The following ADGB variants were observed in gnomAD, a reference collection of about 807,000 sequenced individuals.
The protein encoded by ADGB is calpain-7-like protein.
Under a neutral mutation model 210.5 loss-of-function variants are expected in ADGB, and 172 were observed. The observed-to-expected ratio is 0.82, with a 90% CI of 0.72 to 0.93. The LOEUF (loss-of-function observed/expected upper bound fraction) is 0.93. Among genes scored for constraint, ADGB ranks in the 40% least tolerant of loss-of-function variants. ADGB has a pLI of 0.00. For missense variants in ADGB, 2,025 were observed against 1,964.8 expected, an observed-to-expected ratio of 1.03 and a Z score of -0.58; for synonymous variants, 658 against 662.7, an observed-to-expected ratio of 0.99 and a Z score of 0.11.
intron 1 of ADGB, among the ~76,000 whole-genome samples, chr6:146,603,856 T>C (rs1583555272): frequency 1.3e-5 from 2 of 152,310 alleles, no homozygotes; most frequent in Non-Finnish European, 2.9e-5. Flanking sequence ...TCTTTCTTGG[T>C]TGTCTGAGGC....
At chr6:146,763,249 A>G (rs964057586) in intron 27 of ADGB, among the ~76,000 whole-genome samples, 1 of 152,150 alleles carries the variant, frequency 6.6e-6, no homozygotes, top group African/African-American at 2.4e-5. Flanking sequence ...TAGTTGCTTT[A>G]TACGTTTTGT....
intron 8 of ADGB, among the ~76,000 whole-genome samples, chr6:146,674,557 G>A (rs533685402): frequency 3.3e-5 from 5 of 152,250 alleles, no homozygotes; most frequent in Non-Finnish European, 5.9e-5. Flanking sequence ...AAACGGGTTT[G>A]GTAGGAGAAG....
At chr6:146,760,816 C>A (rs1777478283) in intron 27 of ADGB, among the ~76,000 whole-genome samples, 1 of 151,744 alleles carries the variant, frequency 6.6e-6, no homozygotes, top group Non-Finnish European at 1.5e-5. Context: ...TGTACTACTT[C>A]TTTGTAGTTT....
rs1199161211 is a variant in ADGB at position 146,635,396 on chromosome 6, T to C, written c.96T>C (p.Asn32=). The C allele has an allele frequency of 2.0e-6, 3 of 1,534,332 alleles. No individual in the cohort carries two copies. The highest frequency in any genetic ancestry group is 2.6e-6 in the Non-Finnish European group (3 of 1,138,966). The change falls in exon 2 of 36, where the codon AAT becomes AAC. Residue 32 remains asparagine, a synonymous_variant. Transcript: ENST00000397944. The stretch of plus-strand genomic sequence containing the variant: ...CTAGTTTCTATCCTTTTGGCAGTAA[T>C]GTACAATCTGGTTCTACTGAACAAA... The part of the protein sequence containing the change: ...KSKDFYPFGS[N]VQSGSTEQKK...
intron 25 of ADGB, among the ~76,000 whole-genome samples, chr6:146,745,285 G>T (rs988829974): frequency 6.6e-6 from 1 of 152,072 alleles, no homozygotes. Flanking sequence ...CATCTATTAT[G>T]ATATCATGCT....
chr6:146,689,964 C>T (rs2114920246), intron 10 of ADGB, among the ~76,000 whole-genome samples: 2 of 152,142 alleles, frequency 1.3e-5, no homozygotes, highest in East Asian at 3.8e-4. Flanking sequence ...AAGAAAATGA[C>T]AGTTTCCTCC....
intron 13 of ADGB, among the ~76,000 whole-genome samples, chr6:146,702,786 T>A (rs1008695131): frequency 1.4e-4 from 22 of 151,948 alleles, no homozygotes; most frequent in African/African-American, 4.6e-4. Context: ...TTGATTTTAA[T>A]CTTTTGCTAT....
intron 7 of ADGB, among the ~76,000 whole-genome samples, chr6:146,669,440 C>T (rs187682567): frequency 1.1e-4 from 17 of 152,080 alleles, no homozygotes; most frequent in Admixed American, 1.1e-3. Flanking sequence ...TTTGACCTTC[C>T]CCGTCCACCA....
intron 29 of ADGB, 105 bp downstream of exon 29, chr6:146,769,236 G>T: frequency 1.8e-6 from 1 of 561,688 alleles, no homozygotes; most frequent in Non-Finnish European, 3.2e-6. Context: ...ATTGTATGAT[G>T]TTTTATTACA....
At chr6:146,610,004 T>C in intron 1 of ADGB, among the ~76,000 whole-genome samples, 1 of 152,188 alleles carries the variant, frequency 6.6e-6, no homozygotes, top group East Asian at 1.9e-4. Flanking sequence ...TCATCTTGTG[T>C]AGTATCTCTC....
chr6:146,730,120 T>C (rs1290571171), intron 20 of ADGB, among the ~76,000 whole-genome samples: 2 of 152,180 alleles, frequency 1.3e-5, no homozygotes, highest in African/African-American at 4.8e-5. Context: ...TGTCCTAGTA[T>C]ACTTCTAAAA....
At chr6:146,756,971 C>T (rs1317199960) in intron 27 of ADGB, among the ~76,000 whole-genome samples, 6 of 151,994 alleles carry the variant, frequency 3.9e-5, no homozygotes, top group Non-Finnish European at 5.9e-5. Flanking sequence ...AAGTGATCCA[C>T]CTGCATCAGC....
chr6:146,770,442 G>C (rs994465694), intron 29 of ADGB: 5 of 279,784 alleles, frequency 1.8e-5, no homozygotes, highest in African/African-American at 1.1e-4. Context: ...GCATCACACT[G>C]CCGAAATTCC....
chr6:146,691,194 T>C lies in ADGB; in HGVS notation c.1390T>C (p.Ser464Pro). The change falls in exon 11 of 36, where the codon TCT becomes CCT. Residue 464 changes from serine to proline, a missense_variant. Transcript: ENST00000397944. Reference protein sequence around the residue: ...SHPVLVTRSRSCPLVAPPKPP... With the variant: ...SHPVLVTRSRPCPLVAPPKPP... Reference sequence around the variant, plus strand: ...TCCTGTGCTGGTGACTAGAAGTAGGTCTTGTCCTCTGGTAGCACCACCAAA... The same window carrying C: ...TCCTGTGCTGGTGACTAGAAGTAGGCCTTGTCCTCTGGTAGCACCACCAAA... The C allele has an allele frequency of 1.3e-6, 2 of 1,549,606 alleles. No individual in the cohort carries two copies. Among genetic ancestry groups the C allele is most frequent in the Non-Finnish European group, 1.7e-6 (2 of 1,146,400 alleles).
chr6:146,791,262 C>T (rs1054296433), intron 33 of ADGB, among the ~76,000 whole-genome samples: 1 of 152,034 alleles, frequency 6.6e-6, no homozygotes, highest in South Asian at 2.1e-4. Context: ...AAAATATTGC[C>T]CACACTGATA....
At chr6:146,666,960 T>A (rs1775944728) in intron 7 of ADGB, 58 bp downstream of exon 7, 1 of 1,332,800 alleles carries the variant, frequency 7.5e-7, no homozygotes, top group Non-Finnish European at 1.0e-6. Flanking sequence ...AAGATTTCTT[T>A]AAAATATTCC....
intron 33 of ADGB, among the ~76,000 whole-genome samples, chr6:146,799,750 C>T (rs1259166436): frequency 2.6e-5 from 4 of 151,896 alleles, no homozygotes; most frequent in African/African-American, 7.3e-5. Context: ...TATGGGATAT[C>T]TCTGTATGTA....
At chr6:146,802,099 A>T (rs1045180200) in intron 35 of ADGB, 88 bp downstream of exon 35, 1 of 972,146 alleles carries the variant, frequency 1.0e-6, no homozygotes, top group Non-Finnish European at 1.4e-6. Flanking sequence ...AATATTTTGT[A>T]TAGAAATAAG....
chr6:146,692,181 T>C (rs939779563), intron 11 of ADGB, among the ~76,000 whole-genome samples: 1 of 152,168 alleles, frequency 6.6e-6, no homozygotes, highest in Admixed American at 6.5e-5. Context: ...CAAAGAAAAT[T>C]TAGGTATTCC....
Sources: allele counts gnomAD v4.1 joint callset (sites outside exome capture counted in the v4.1 genomes callset), GRCh38; gene constraint gnomAD v4.1.1; transcripts MANE v1.5; gene names NCBI Gene and HGNC (gene_info 2026-07-23, HGNC 2026-07-21).